Variants in LIMK1 observed in about 807,000 individuals in gnomAD.
LIMK1 encodes LIM domain kinase 1.
LIMK1 carries 21 observed loss-of-function variants against 77.6 expected under a neutral mutation model. That is an observed-to-expected ratio of 0.27 (90% confidence interval 0.19 to 0.39). LIMK1 has a LOEUF of 0.39. Ranked by LOEUF, LIMK1 falls within the 10% of genes least tolerant of loss-of-function variation. LIMK1 has a pLI of 1.00. For synonymous variants in LIMK1, 358 were observed against 370.0 expected (o/e 0.97, Z 0.37); for missense variants, 696 against 901.6 (o/e 0.77, Z 2.92).
At chr7:74,091,709 G>C (rs150599022) in intron 2 of LIMK1, among the ~76,000 whole-genome samples, 1 of 152,276 alleles carries the variant, frequency 6.6e-6, no homozygotes, top group Non-Finnish European at 1.5e-5. Flanking sequence ...AAGACACTCA[G>C]TGAACAAATG....
At chr7:74,113,581 T>C (rs549056290) in intron 12 of LIMK1, among the ~76,000 whole-genome samples, 35 of 151,608 alleles carry the variant, frequency 2.3e-4, no homozygotes, top group Admixed American at 2.2e-3. Context: ...GCTGAGATTA[T>C]GCCACTGCAC....
chr7:74,102,484 C>CTTTTTTTTTTTGTTTTTTTTTTTTTTT (rs1799483081), intron 5 of LIMK1, among the ~76,000 whole-genome samples: 1 of 54,042 alleles, frequency 1.9e-5, no homozygotes, highest in Non-Finnish European at 3.5e-5. Flanking sequence ...AGGACCTTCT[C>CTTTTTTTTTTTGTTTTTTTTTTTTTTT]TTTTTTTTTT....
At position 74,099,252 on chromosome 7, in the gene LIMK1, C is replaced by T. The variant is rs1799406659; in HGVS notation, c.608+14C>T. On this transcript the variant is annotated intron_variant, in intron 5 of 15. Coordinates refer to ENST00000336180, the MANE Select transcript of LIMK1 (RefSeq NM_002314.4). ...CCGCGTCCAGGGGTGAGTGGCCGGCCTGCCGAGGCTGCCGTCGGTGTGGCT... is the reference window on the plus strand; with the variant it reads ...CCGCGTCCAGGGGTGAGTGGCCGGCTTGCCGAGGCTGCCGTCGGTGTGGCT... The T allele has an allele frequency of 6.3e-7, 1 of 1,599,454 alleles. No homozygotes were observed. The highest frequency in any genetic ancestry group is 8.5e-7 in the Non-Finnish European group (1 of 1,178,432).
chr7:74,085,652 G>T, intron 1 of LIMK1, 96 bp from the exon 2 acceptor site: 2 of 918,680 alleles, frequency 2.2e-6, no homozygotes, highest in East Asian at 2.6e-5. Context: ...GAGGATTGGT[G>T]CAGGTGTAGG....
chr7:74,084,085 G>A (rs781919255), intron 1 of LIMK1, 40 bp downstream of exon 1: 1 of 1,270,314 alleles, frequency 7.9e-7, no homozygotes, highest in Non-Finnish European at 1.1e-6. Context: ...GCCTGGAGGG[G>A]GTGCCCGGGG....
At chr7:74,119,977 G>T (rs1340722269) in intron 13 of LIMK1, among the ~76,000 whole-genome samples, 1 of 152,136 alleles carries the variant, frequency 6.6e-6, no homozygotes, top group Admixed American at 6.6e-5. Flanking sequence ...ATCCAACAGG[G>T]CTGCGCTCCC....
chr7:74,085,712 C>T (rs533961701), intron 1 of LIMK1, 36 bp from the exon 2 acceptor site: 3 of 1,525,608 alleles, frequency 2.0e-6, no homozygotes, highest in Non-Finnish European at 2.7e-6. Context: ...ATCACACTTC[C>T]TGAGAATGCT....
At chr7:74,111,167 A>C (rs1554698573) in intron 10 of LIMK1, 1 of 158,268 alleles carries the variant, frequency 6.3e-6, no homozygotes. Context: ...GGCCGGGTGC[A>C]GTGGCTCATG....
rs1244254318 is a variant in LIMK1, at chr7:74,097,090, A to G, written c.302A>G (p.Glu101Gly). Reference protein sequence around the residue: ...ITKGLVMVAGELKYHPECFIC... With the variant: ...ITKGLVMVAGGLKYHPECFIC... ...TCACCCCCGCACCAGGTGGCTGGGG[A>G]GCTGAAGTACCACCCCGAGTGTTTC... Residue 101 changes from glutamate (E) to glycine (G), a missense_variant, in exon 4 of 16, where the codon GAG (glutamate) becomes GGG (glycine). Coordinates refer to ENST00000336180, the MANE Select transcript of LIMK1 (RefSeq NM_002314.4). The G allele has an allele frequency of 4.3e-6, 7 of 1,612,052 alleles. No homozygotes were observed. In the Admixed American group the frequency reaches 5.0e-5, roughly 12 times the overall value.
In LIMK1 at chr7:74,093,829, C is replaced by G. The variant is rs189710898; in HGVS notation, c.153-2793C>G. The G allele has an allele frequency of 4.8e-4, 75 of 155,074 alleles. 1 individual carries two copies. Among genetic ancestry groups the G allele is most frequent in the Middle Eastern group, 3.4e-3 (1 of 298 alleles). The allele number at this position is 155,074 out of a possible 1,614,324, so 9.6% of individuals were successfully genotyped here. ...CCTCCCTTGACATCCTTCTTAGGGA[C>G]AGTCAGGCACTCTGTGTGGGGCACT... On this transcript the variant is annotated intron_variant, in intron 2 of 15. Coordinates refer to ENST00000336180, the MANE Select transcript of LIMK1 (RefSeq NM_002314.4).
chr7:74,096,065 A>C (rs1172505642), intron 2 of LIMK1, among the ~76,000 whole-genome samples: 1 of 149,746 alleles, frequency 6.7e-6, no homozygotes, highest in Non-Finnish European at 1.5e-5. Context: ...CCCAGGTTCA[A>C]GCGATTCTTC....
chr7:74,104,442 A>G (rs1179839427), intron 5 of LIMK1, among the ~76,000 whole-genome samples: 2 of 152,022 alleles, frequency 1.3e-5, no homozygotes, highest in Non-Finnish European at 2.9e-5. Flanking sequence ...CCTGACCAAC[A>G]TAGAGAAACC....
At chr7:74,120,536 T>C (rs1799910329) in intron 13 of LIMK1, 47 bp from the exon 14 acceptor site, 1 of 1,606,772 alleles carries the variant, frequency 6.2e-7, no homozygotes, top group Admixed American at 1.7e-5. Context: ...TTGGCATCCC[T>C]GGCACCCCCA....
intron 13 of LIMK1, among the ~76,000 whole-genome samples, chr7:74,117,126 C>G (rs1426783550): frequency 1.3e-5 from 2 of 151,998 alleles, no homozygotes; most frequent in Admixed American, 6.6e-5. Context: ...CGTGATCCGC[C>G]CGTCTCGGCC....
At chr7:74,093,513 T>C (rs1431337321) in intron 2 of LIMK1, among the ~76,000 whole-genome samples, 1 of 152,180 alleles carries the variant, frequency 6.6e-6, no homozygotes, top group East Asian at 1.9e-4. Context: ...CCACCTGCTG[T>C]TTCTTCACAC....
chr7:74,115,122 A>G (rs1799780750), intron 12 of LIMK1, among the ~76,000 whole-genome samples: 1 of 151,926 alleles, frequency 6.6e-6, no homozygotes. Flanking sequence ...ACCTGGGTCT[A>G]TAATCAAAAT....
At position 74,115,710 on chromosome 7, in the gene LIMK1, G is replaced by C. The variant is rs1334817700; in HGVS notation, c.1411-92G>C. On this transcript the variant is annotated intron_variant, in intron 12 of 15. Transcript: ENST00000336180. ...GTATCAGAGGTATGTTCTCTGGGCT[G>C]TCTACAGGTTGGCTTGGGGTCCTGG... is the stretch of plus-strand genomic sequence containing the variant. The C allele has an allele frequency of 1.1e-5, 15 of 1,410,920 alleles. No homozygotes were observed. The East Asian group carries it at 3.0e-4, about 28-fold the overall frequency. 87.4% of individuals were successfully genotyped at this position (1,410,920 alleles called of 1,614,324 possible).
Position 74,122,161 on chromosome 7 carries a change from G to T in LIMK1, c.*860G>T, listed in dbSNP as rs1435741894. ...CCCCTTCCCGGGCCTCTCCCCCAAG[G>T]CTCCCTGCCCCTCCTCATGCCCCTC... On this transcript the variant is annotated 3_prime_UTR_variant, in exon 16 of 16. Transcript: ENST00000336180. 1.3e-5 allele frequency: 2 copies of T among 152,788 alleles called. No individual in the cohort carries two copies. The highest frequency in any genetic ancestry group is 3.9e-4 in the East Asian group (2 of 5,162). 9.5% of individuals were successfully genotyped at this position (152,788 alleles called of 1,614,324 possible).
At chr7:74,087,810 G>A (rs185025178) in intron 2 of LIMK1, among the ~76,000 whole-genome samples, 95 of 152,174 alleles carry the variant, frequency 6.2e-4, no homozygotes, top group Non-Finnish European at 1.2e-3. Flanking sequence ...GGCTGGTCTC[G>A]AACTCCTGAC....
Sources: gnomAD v4.1 joint callset for allele counts (sites outside exome capture counted in the v4.1 genomes callset) on GRCh38, gnomAD v4.1.1 for gene constraint, MANE v1.5 for transcripts, NCBI Gene and HGNC (gene_info 2026-07-23, HGNC 2026-07-21) for gene names.